The following SNX4 variants were observed in gnomAD, a reference collection of about 807,000 sequenced individuals.
SNX4 encodes the protein sorting nexin-4.
SNX4 carries 49 observed loss-of-function variants against 70.8 expected under a neutral mutation model. The observed-to-expected ratio is 0.69, with a 90% CI of 0.55 to 0.88. SNX4 has a LOEUF of 0.88. Ranked by LOEUF, SNX4 falls within the 40% of genes least tolerant of loss-of-function variation. The pLI, the probability that SNX4 is intolerant of heterozygous loss-of-function variation, is 0.00. For missense variants in SNX4, 528 were observed against 544.8 expected, an observed-to-expected ratio of 0.97 and a Z score of 0.31; for synonymous variants, 206 against 183.8, an observed-to-expected ratio of 1.12 and a Z score of -0.98.
chr3:125,481,208 C>G (rs1934403160), intron 6 of SNX4, among the ~76,000 whole-genome samples: 1 of 152,212 alleles, frequency 6.6e-6, no homozygotes, highest in Admixed American at 6.5e-5. Context: ...GACAAAGTCA[C>G]CAACTATTTT....
At chr3:125,497,503 T>TA (rs1449419742) in intron 4 of SNX4, 115 bp from the exon 5 acceptor site, 1 of 739,212 alleles carries the variant, frequency 1.4e-6, no homozygotes. Flanking sequence ...GAGAGAAGTT[T>TA]AAAAAAATTT....
At chr3:125,483,598 CTGTT>C (rs1364212029) in intron 6 of SNX4, among the ~76,000 whole-genome samples, 2 of 152,192 alleles carry the variant, frequency 1.3e-5, no homozygotes, top group Non-Finnish European at 2.9e-5. Context: ...TAAAGTTTCT[CTGTT>C]TGATTAACAC....
chr3:125,480,641 G>A (rs58842696), intron 6 of SNX4, among the ~76,000 whole-genome samples: 25,250 of 152,048 alleles, frequency 0.17, 2,283 homozygotes, highest in African/African-American at 0.23. Flanking sequence ...ATACATTATG[G>A]TGCAATCATA....
At chr3:125,476,546 G>C in intron 8 of SNX4, 149 bp downstream of exon 8, 2 of 609,928 alleles carry the variant, frequency 3.3e-6, no homozygotes, top group Non-Finnish European at 5.9e-6. Context: ...ATCAGCCTGG[G>C]TGACAAGAAA....
chr3:125,485,234 A>C (rs1412874927), intron 6 of SNX4, among the ~76,000 whole-genome samples: 5 of 152,166 alleles, frequency 3.3e-5, no homozygotes, highest in Non-Finnish European at 1.5e-5. Flanking sequence ...TAACAGAGCA[A>C]GACTTTGTCT....
intron 8 of SNX4, among the ~76,000 whole-genome samples, chr3:125,474,155 C>T (rs370018935): frequency 2.9e-4 from 44 of 152,088 alleles, no homozygotes; most frequent in African/African-American, 8.7e-4. Context: ...GCTCAGTTAC[C>T]GTATGCTGAA....
intron 6 of SNX4, among the ~76,000 whole-genome samples, chr3:125,488,445 A>C (rs1161518012): frequency 6.6e-6 from 1 of 152,178 alleles, no homozygotes; most frequent in Non-Finnish European, 1.5e-5. Context: ...ACTACACTCC[A>C]GCCTGGGCGA....
chr3:125,475,821 T>C (rs1213400374), intron 8 of SNX4, among the ~76,000 whole-genome samples: 1 of 151,610 alleles, frequency 6.6e-6, no homozygotes. Flanking sequence ...TGCAAAAAAA[T>C]ACAAAAAGTA....
chr3:125,449,418 C>CAAAAAAAAAAAAAA, intron 13 of SNX4, among the ~76,000 whole-genome samples: 1 of 101,824 alleles, frequency 9.8e-6, no homozygotes, highest in African/African-American at 3.7e-5. Context: ...GACTCTGTCT[C>CAAAAAAAAAAAAAA]AAAAAAAAAA....
chr3:125,513,899 T>G (rs1298909209), intron 1 of SNX4, among the ~76,000 whole-genome samples: 1 of 152,126 alleles, frequency 6.6e-6, no homozygotes, highest in Admixed American at 6.5e-5. Context: ...CAACAGAAAT[T>G]TATTGCTCAC....
chr3:125,468,143 C>CA (rs1365953576), intron 9 of SNX4, among the ~76,000 whole-genome samples: 4 of 152,078 alleles, frequency 2.6e-5, no homozygotes, highest in Admixed American at 6.5e-5. Context: ...AACACAGGAA[C>CA]AAAAAACCAA....
At chr3:125,459,567 G>A (rs974436297) in intron 10 of SNX4, among the ~76,000 whole-genome samples, 1 of 152,064 alleles carries the variant, frequency 6.6e-6, no homozygotes, top group South Asian at 2.1e-4. Context: ...CTCTCCAGCA[G>A]CTGGGATTAC....
chr3:125,487,472 T>C (rs1425445422), intron 6 of SNX4, among the ~76,000 whole-genome samples: 3 of 152,018 alleles, frequency 2.0e-5, no homozygotes, highest in Non-Finnish European at 4.4e-5. Flanking sequence ...AACTGAAAAA[T>C]ACTAATTGAC....
chr3:125,487,293 T>C (rs1934552335), intron 6 of SNX4, among the ~76,000 whole-genome samples: 1 of 152,146 alleles, frequency 6.6e-6, no homozygotes, highest in African/African-American at 2.4e-5. Flanking sequence ...AATTATACAC[T>C]TTAGCAAGAA....
Position 125,480,262 on chromosome 3 carries a change from A to G in SNX4, c.711T>C (p.Leu237=), listed in dbSNP as rs1333975499. The G allele has an allele frequency of 1.2e-5, 19 of 1,562,942 alleles. No homozygotes were observed. The highest frequency in any genetic ancestry group is 1.7e-5 in the Non-Finnish European group (19 of 1,151,486). The change falls in exon 7 of 14, where the codon CTT becomes CTC. Residue 237 remains leucine (L), a synonymous_variant. Coordinates refer to ENST00000251775, the MANE Select transcript of SNX4 (RefSeq NM_003794.4). ...SDELQSVISH[L]LRVRARVADR... ...GACCACTTACAGCTCTGACTCGAAG[A>G]AGATGTGAGATGACAGACTGCAGTT...
At chr3:125,514,292 A>AT (rs1247063026) in intron 1 of SNX4, among the ~76,000 whole-genome samples, 1 of 152,122 alleles carries the variant, frequency 6.6e-6, no homozygotes, top group Admixed American at 6.6e-5. Flanking sequence ...GAAAACATTA[A>AT]TTTTTAAATA....
chr3:125,503,569 C>T (rs899476998), intron 2 of SNX4, among the ~76,000 whole-genome samples: 4 of 152,072 alleles, frequency 2.6e-5, no homozygotes, highest in Admixed American at 1.3e-4. Flanking sequence ...GCACCAATCT[C>T]AATGTTTCTG....
intron 10 of SNX4, among the ~76,000 whole-genome samples, chr3:125,460,006 A>G (rs574379263): frequency 6.6e-6 from 1 of 152,020 alleles, no homozygotes; most frequent in Non-Finnish European, 1.5e-5. Context: ...CAGCCTGGCC[A>G]ACAACGGTGA....
chr3:125,498,578 T>C (rs890015791), intron 2 of SNX4, among the ~76,000 whole-genome samples: 1 of 152,214 alleles, frequency 6.6e-6, no homozygotes, highest in African/African-American at 2.4e-5. Context: ...CTTGGCCTCA[T>C]GTATTTTCAT....
Sources: allele counts gnomAD v4.1 joint callset (sites outside exome capture counted in the v4.1 genomes callset), GRCh38; gene constraint gnomAD v4.1.1; transcripts MANE v1.5; gene names NCBI Gene and HGNC (gene_info 2026-07-23, HGNC 2026-07-21).